GRB2: variants seen among roughly 807,000 people sequenced by gnomAD.
GRB2 encodes the protein growth factor receptor-bound protein 2.
Under a neutral mutation model 27.4 loss-of-function variants are expected in GRB2, and 2 were observed. The observed-to-expected ratio is 0.07, with a 90% CI of 0.03 to 0.23. GRB2 has a LOEUF of 0.23. Ranked by LOEUF, GRB2 falls within the 10% of genes least tolerant of loss-of-function variation. GRB2 has a pLI of 1.00. For synonymous variants in GRB2, 94 were observed against 99.6 expected, an observed-to-expected ratio of 0.94 and a Z score of 0.33; for missense variants, 102 against 282.4, an observed-to-expected ratio of 0.36 and a Z score of 4.58.
chr17:75,344,312 T>G (rs1292491029), intron 2 of GRB2: 1 of 152,222 alleles, frequency 6.6e-6, no homozygotes, highest in African/African-American at 2.4e-5. Context: ...TTAAGCTTCT[T>G]TTAGCTTAAA....
At chr17:75,322,638 A>G (rs139872279) in intron 4 of GRB2, among the ~76,000 whole-genome samples, 4 of 152,244 alleles carry the variant, frequency 2.6e-5, no homozygotes, top group African/African-American at 9.6e-5. Flanking sequence ...TGGGACAATA[A>G]AAGAGGCCCA....
At chr17:75,376,123 G>A (rs2078891832) in intron 2 of GRB2, among the ~76,000 whole-genome samples, 1 of 150,750 alleles carries the variant, frequency 6.6e-6, no homozygotes, top group South Asian at 2.1e-4. Context: ...CAGGCGGATT[G>A]GCTGAGCTCA....
At chr17:75,348,452 C>A (rs903554717) in intron 2 of GRB2, among the ~76,000 whole-genome samples, 1 of 152,144 alleles carries the variant, frequency 6.6e-6, no homozygotes, top group Non-Finnish European at 1.5e-5. Flanking sequence ...GTAGCTGCCC[C>A]TTTGAATTGC....
intron 2 of GRB2, 97 bp from the exon 3 acceptor site, chr17:75,332,894 C>A: frequency 1.4e-6 from 1 of 720,070 alleles, no homozygotes; most frequent in South Asian, 1.7e-5. Context: ...GGTCTGTGAA[C>A]GGTTTCACTC....
chr17:75,358,013 G>A (rs535277101), intron 2 of GRB2, among the ~76,000 whole-genome samples: 26 of 152,268 alleles, frequency 1.7e-4, no homozygotes, highest in Admixed American at 3.9e-4. Flanking sequence ...CAAGACAATC[G>A]CTTGAACCCG....
intron 2 of GRB2, among the ~76,000 whole-genome samples, chr17:75,363,752 C>G (rs1259878485): frequency 1.3e-5 from 2 of 150,618 alleles, no homozygotes; most frequent in African/African-American, 4.9e-5. Flanking sequence ...CCCAGCTACT[C>G]GGGAGGCTGA....
chr17:75,376,286 A>G (rs1481053610), intron 2 of GRB2, among the ~76,000 whole-genome samples: 3 of 143,202 alleles, frequency 2.1e-5, no homozygotes, highest in Non-Finnish European at 4.5e-5. Flanking sequence ...CAGACGTTGC[A>G]GTGAGCCGAG....
chr17:75,396,882 C>G (rs1268346870), intron 1 of GRB2, among the ~76,000 whole-genome samples: 1 of 152,102 alleles, frequency 6.6e-6, no homozygotes, highest in African/African-American at 2.4e-5. Context: ...AAATGAAAAG[C>G]CCTGTCACTT....
intron 2 of GRB2, among the ~76,000 whole-genome samples, chr17:75,358,700 TAAAAAAAA>T (rs71159497): frequency 1.5e-5 from 1 of 66,284 alleles, no homozygotes; most frequent in Non-Finnish European, 3.0e-5. Flanking sequence ...CCATCTCTAC[TAAAAAAAA>T]AAAAAAAAAA....
intron 2 of GRB2, among the ~76,000 whole-genome samples, chr17:75,361,795 T>C (rs150924848): frequency 6.6e-6 from 1 of 152,184 alleles, no homozygotes; most frequent in East Asian, 1.9e-4. Context: ...ACATGTCCAT[T>C]ACTAACTGAG....
At chr17:75,356,121 A>ACCGCAC (rs941015041) in intron 2 of GRB2, among the ~76,000 whole-genome samples, 6 of 151,996 alleles carry the variant, frequency 3.9e-5, no homozygotes, top group African/African-American at 1.5e-4. Flanking sequence ...GGCATGAGCC[A>ACCGCAC]CCGCACCTGG....
chr17:75,382,851 G>A (rs943743268), intron 2 of GRB2, among the ~76,000 whole-genome samples: 5 of 152,244 alleles, frequency 3.3e-5, no homozygotes, highest in Admixed American at 1.3e-4. Flanking sequence ...TGGGACTACA[G>A]GCGCCTGCCA....
At chr17:75,395,457 T>G (rs1021467093) in intron 1 of GRB2, among the ~76,000 whole-genome samples, 2 of 152,230 alleles carry the variant, frequency 1.3e-5, no homozygotes, top group East Asian at 3.8e-4. Context: ...TTACACTCTC[T>G]GTAGTTACTT....
intron 2 of GRB2, among the ~76,000 whole-genome samples, chr17:75,391,903 G>T (rs1389391568): frequency 6.6e-6 from 1 of 151,944 alleles, no homozygotes; most frequent in Non-Finnish European, 1.5e-5. Context: ...CAATGGGACA[G>T]ATTTAGAGAA....
At chr17:75,335,034 C>T (rs534671792) in intron 2 of GRB2, among the ~76,000 whole-genome samples, 9 of 151,778 alleles carry the variant, frequency 5.9e-5, no homozygotes, top group East Asian at 2.0e-4. Flanking sequence ...TGAACTCCTG[C>T]GCTCAAGTAT....
intron 4 of GRB2, among the ~76,000 whole-genome samples, chr17:75,324,718 T>A (rs1289253620): frequency 6.6e-6 from 1 of 151,912 alleles, no homozygotes; most frequent in African/African-American, 2.4e-5. Flanking sequence ...GGTTTCACCA[T>A]GTTGGCCAGG....
At chr17:75,390,861 C>G (rs1169581901) in intron 2 of GRB2, among the ~76,000 whole-genome samples, 1 of 152,170 alleles carries the variant, frequency 6.6e-6, no homozygotes, top group Non-Finnish European at 1.5e-5. Flanking sequence ...TGCACGTCTC[C>G]TTTATCAAGA....
At chr17:75,358,840 T>C (rs2078754523) in intron 2 of GRB2, among the ~76,000 whole-genome samples, 1 of 138,710 alleles carries the variant, frequency 7.2e-6, no homozygotes, top group African/African-American at 2.7e-5. Context: ...GCTGAGATTG[T>C]GCCACTGCAC....
chr17:75,338,818 C>T lies in GRB2; in HGVS notation c.79-6021G>A, dbSNP rs916640449. On this transcript the variant is annotated intron_variant, in intron 2 of 5. Transcript: ENST00000316804. The stretch of plus-strand genomic sequence containing the variant: ...ACAAGTCCTTTCTGTGCTGATAGCA[C>T]TCACGCAAATGGTCAACTTTCCTAA... The T allele has an allele frequency of 4.0e-6, 3 of 754,220 alleles. No individual in the cohort carries two copies. In the African/African-American group the frequency reaches 5.1e-5, roughly 13 times the overall value. 46.7% of individuals were successfully genotyped at this position (754,220 alleles called of 1,614,324 possible).
Sources: gnomAD v4.1 joint callset for allele counts (sites outside exome capture counted in the v4.1 genomes callset) on GRCh38, gnomAD v4.1.1 for gene constraint, MANE v1.5 for transcripts, NCBI Gene and HGNC (gene_info 2026-07-23, HGNC 2026-07-21) for gene names.